HAPSTR1: variants seen among roughly 807,000 people sequenced by gnomAD.
The protein encoded by HAPSTR1 is HUWE1 associated protein modifying stress responses.
the HAPSTR1 span, among the ~76,000 whole-genome samples, chr16:9,092,641 G>A: frequency 6.6e-6 from 1 of 150,552 alleles, no homozygotes; most frequent in East Asian, 2.0e-4. Context: ...CCGGCCTCGG[G>A]GCGGGGACTG....
the HAPSTR1 span, among the ~76,000 whole-genome samples, chr16:9,101,906 A>C: frequency 1.3e-5 from 2 of 152,166 alleles, no homozygotes; most frequent in Non-Finnish European, 2.9e-5. Flanking sequence ...GCGGATCACA[A>C]GGTCAGGAGT....
At chr16:9,111,910 A>G in the HAPSTR1 span, 8 of 151,292 alleles carry the variant, frequency 5.3e-5, no homozygotes, top group Middle Eastern at 3.4e-3. Flanking sequence ...ATATATGATT[A>G]CTGTATCTTG....
At chr16:9,098,537 T>A in the HAPSTR1 span, among the ~76,000 whole-genome samples, 4 of 152,148 alleles carry the variant, frequency 2.6e-5, no homozygotes, top group Admixed American at 6.5e-5. Flanking sequence ...CTTTACTGGT[T>A]GGAGTGCCAG....
the HAPSTR1 span, among the ~76,000 whole-genome samples, chr16:9,097,243 T>TC: frequency 6.6e-6 from 1 of 150,584 alleles, no homozygotes; most frequent in African/African-American, 2.4e-5. Context: ...CCTGGCTCTT[T>TC]TTTTTTTTTT....
chr16:9,094,191 A>G, the HAPSTR1 span, among the ~76,000 whole-genome samples: 4 of 152,214 alleles, frequency 2.6e-5, no homozygotes, highest in Non-Finnish European at 5.9e-5. Flanking sequence ...TGGTGAAAAG[A>G]AACGCTAACT....
chr16:9,101,860 G>A, the HAPSTR1 span, among the ~76,000 whole-genome samples: 5 of 151,980 alleles, frequency 3.3e-5, no homozygotes, highest in Admixed American at 6.6e-5. Flanking sequence ...AGTGGCTCAC[G>A]CCTGTAATCC....
the HAPSTR1 span, among the ~76,000 whole-genome samples, chr16:9,100,412 A>T: frequency 6.6e-6 from 1 of 151,496 alleles, no homozygotes; most frequent in East Asian, 1.9e-4. Context: ...AGCTCTTCAC[A>T]GGATATTTTT....
At chr16:9,092,246 A>G in the HAPSTR1 span, 1 of 1,574,362 alleles carries the variant, frequency 6.4e-7, no homozygotes, top group South Asian at 1.2e-5. Context: ...GAACTCGGCC[A>G]CCGCCGTGGC....
the HAPSTR1 span, chr16:9,118,277 G>T: frequency 6.6e-6 from 1 of 152,614 alleles, no homozygotes; most frequent in South Asian, 2.1e-4. Context: ...TTGTAGTCCA[G>T]TATCAGTTAC....
At chr16:9,097,505 G>A in the HAPSTR1 span, among the ~76,000 whole-genome samples, 2 of 152,274 alleles carry the variant, frequency 1.3e-5, no homozygotes, top group African/African-American at 2.4e-5. Context: ...CCAAAGTGCC[G>A]GGATTATAAC....
At chr16:9,116,889 C>A in the HAPSTR1 span, 1 of 1,614,100 alleles carries the variant, frequency 6.2e-7, no homozygotes. Context: ...CTCACCAACC[C>A]ATAAACGCAA....
chr16:9,098,158 C>A, the HAPSTR1 span, among the ~76,000 whole-genome samples: 24 of 152,274 alleles, frequency 1.6e-4, no homozygotes, highest in African/African-American at 5.5e-4. Flanking sequence ...TGGAGAGAAA[C>A]CGTATCTCTA....
chr16:9,109,306 T>C, the HAPSTR1 span: 2 of 152,142 alleles, frequency 1.3e-5, no homozygotes, highest in African/African-American at 4.8e-5. Flanking sequence ...TCATGAGGGT[T>C]AGGTGAAAGG....
the HAPSTR1 span, among the ~76,000 whole-genome samples, chr16:9,096,260 G>C: frequency 2.0e-5 from 3 of 152,302 alleles, no homozygotes; most frequent in Non-Finnish European, 2.9e-5. Flanking sequence ...TGGTGGTCAA[G>C]TTTTAAGTAT....
the HAPSTR1 span, chr16:9,109,612 G>A: frequency 6.6e-6 from 1 of 152,066 alleles, no homozygotes; most frequent in East Asian, 1.9e-4. Context: ...TAGCATGCAG[G>A]GTCTGGTGTC....
At chr16:9,112,506 GC>G in the HAPSTR1 span, 1 of 152,288 alleles carries the variant, frequency 6.6e-6, no homozygotes, top group South Asian at 2.1e-4. Context: ...TGGCTGGGAA[GC>G]AGATAGACAG....
At chr16:9,118,612 A>G in the HAPSTR1 span, 2 of 152,604 alleles carry the variant, frequency 1.3e-5, no homozygotes, top group South Asian at 2.1e-4. Context: ...TTGTTTGACT[A>G]TAATAGCAGG....
chr16:9,120,651 A>G, the HAPSTR1 span: 3 of 149,914 alleles, frequency 2.0e-5, no homozygotes, highest in African/African-American at 7.4e-5. Context: ...TCTTTTATAC[A>G]TTAGAAGTAA....
chr16:9,108,642 T>C, the HAPSTR1 span: 2 of 152,344 alleles, frequency 1.3e-5, no homozygotes, highest in East Asian at 3.9e-4. Context: ...ATGTGAATTT[T>C]ATATCTCTTT....
Sources: gnomAD v4.1 joint callset for allele counts (sites outside exome capture counted in the v4.1 genomes callset) on GRCh38, gnomAD v4.1.1 for gene constraint, MANE v1.5 for transcripts, NCBI Gene and HGNC (gene_info 2026-07-23, HGNC 2026-07-21) for gene names.